The following NUDT9 variants were observed in gnomAD, a reference collection of about 807,000 sequenced individuals.
NUDT9 encodes nudix hydrolase 9, also known as ADP-ribose pyrophosphatase.
Under a neutral mutation model 41.0 loss-of-function variants are expected in NUDT9, and 31 were observed. The observed-to-expected ratio is 0.76, with a 90% CI of 0.57 to 1.02. The LOEUF (loss-of-function observed/expected upper bound fraction) is 1.02, where lower values mean the gene tolerates loss of function less well. Among genes scored for constraint, NUDT9 ranks in the 50% least tolerant of loss-of-function variants. The pLI, the probability that NUDT9 is intolerant of heterozygous loss-of-function variation, is 0.00. For synonymous variants in NUDT9, 146 were observed against 147.6 expected (o/e 0.99, Z 0.08); for missense variants, 380 against 431.4 (o/e 0.88, Z 1.06).
rs933395394 is a variant in NUDT9 at position 87,422,788 on chromosome 4, A to G, written c.-118A>G. ...TACTCCCGTTCGGGAACCCAACGGC[A>G]GACAGGTCCTAGTGCCCATCAGATA... On this transcript the variant is annotated 5_prime_UTR_variant, in exon 1 of 8. Coordinates refer to ENST00000302174, the MANE Select transcript of NUDT9 (RefSeq NM_024047.5). 1.9e-5 allele frequency: 13 copies of G among 676,588 alleles called. No homozygotes were observed. In the Admixed American group the frequency reaches 3.4e-4, roughly 18 times the overall value. 41.9% of individuals were successfully genotyped at this position (676,588 alleles called of 1,614,324 possible).
chr4:87,443,793 G>A (rs1578074856), intron 4 of NUDT9, among the ~76,000 whole-genome samples: 1 of 152,198 alleles, frequency 6.6e-6, no homozygotes, highest in Middle Eastern at 3.2e-3. Context: ...GAATATTCTT[G>A]TAGAAGAGTA....
intron 4 of NUDT9, among the ~76,000 whole-genome samples, chr4:87,446,599 T>G (rs1168384824): frequency 6.6e-6 from 1 of 152,162 alleles, no homozygotes; most frequent in East Asian, 1.9e-4. Flanking sequence ...GTATAGTAAT[T>G]AAGAACACAG....
chr4:87,433,161 T>A (rs1157104831), intron 1 of NUDT9, among the ~76,000 whole-genome samples: 2 of 152,136 alleles, frequency 1.3e-5, no homozygotes, highest in African/African-American at 4.8e-5. Flanking sequence ...ATAGATACTT[T>A]AAAAAAATTC....
intron 5 of NUDT9, among the ~76,000 whole-genome samples, chr4:87,450,305 A>G (rs1394380544): frequency 6.6e-6 from 1 of 152,014 alleles, no homozygotes; most frequent in East Asian, 1.9e-4. Context: ...TTTTCTGTGT[A>G]GAATAAAAAT....
At chr4:87,436,170 ATTT>A (rs1010791500) in intron 2 of NUDT9, among the ~76,000 whole-genome samples, 1 of 151,858 alleles carries the variant, frequency 6.6e-6, no homozygotes, top group African/African-American at 2.4e-5. Flanking sequence ...ATTTTATTTT[ATTT>A]TTAAGTAGAG....
intron 4 of NUDT9, among the ~76,000 whole-genome samples, chr4:87,446,468 C>T (rs888574198): frequency 1.3e-5 from 2 of 151,982 alleles, no homozygotes; most frequent in Admixed American, 6.6e-5. Context: ...CTCTTGACTT[C>T]GTGATCTGCC....
intron 7 of NUDT9, among the ~76,000 whole-genome samples, chr4:87,454,845 A>G (rs1722917367): frequency 6.6e-6 from 1 of 152,202 alleles, no homozygotes; most frequent in African/African-American, 2.4e-5. Flanking sequence ...TACTATTTCA[A>G]ATATTTTTAT....
In NUDT9 at chr4:87,454,065, G is replaced by A. The variant is rs753890272; in HGVS notation, c.790-306G>A. On this transcript the variant is annotated intron_variant, in intron 6 of 7. Transcript: ENST00000302174. ...TTTAGTAGAGACAGGGTTTCACCTT[G>A]TTGGTCAGGCTGGTCTCGAACTCCT... 5.9e-4 allele frequency among the ~76,000 whole-genome samples: 90 copies of A among 151,764 alleles called. 1 individual carries two copies. The highest frequency in any genetic ancestry group is 1.6e-3 in the Admixed American group (24 of 15,252).
At chr4:87,442,664 T>G (rs1165380706) in intron 4 of NUDT9, among the ~76,000 whole-genome samples, 6 of 152,252 alleles carry the variant, frequency 3.9e-5, no homozygotes, top group Admixed American at 3.9e-4. Context: ...CTCCTTATTC[T>G]GTGCACTTTT....
At chr4:87,427,721 A>G (rs184499744) in intron 1 of NUDT9, among the ~76,000 whole-genome samples, 1 of 152,334 alleles carries the variant, frequency 6.6e-6, no homozygotes, top group Admixed American at 6.5e-5. Context: ...GGAGTGGAAC[A>G]GCATTAGTGT....
At chr4:87,430,662 G>GACTTGCTTTTGTCTAATAATTA (rs1721647372) in intron 1 of NUDT9, among the ~76,000 whole-genome samples, 1 of 152,056 alleles carries the variant, frequency 6.6e-6, no homozygotes, top group Non-Finnish European at 1.5e-5. Flanking sequence ...TTGTGGTTTT[G>GACTTGCTTTTGTCTAATAATTA]ACTTGCTTTT....
intron 3 of NUDT9, among the ~76,000 whole-genome samples, chr4:87,439,304 C>T (rs1174964010): frequency 6.6e-6 from 1 of 152,078 alleles, no homozygotes; most frequent in African/African-American, 2.4e-5. Flanking sequence ...AAAGGTACAT[C>T]TTACATGGCA....
intron 4 of NUDT9, among the ~76,000 whole-genome samples, chr4:87,443,300 GTATA>G (rs1220772302): frequency 6.6e-6 from 1 of 152,150 alleles, no homozygotes; most frequent in African/African-American, 2.4e-5. Flanking sequence ...GCATGCAGAT[GTATA>G]TATAATTGAT....
At chr4:87,454,214 C>T (rs1722887389) in intron 6 of NUDT9, among the ~76,000 whole-genome samples, 157 bp from the exon 7 acceptor site, 1 of 152,124 alleles carries the variant, frequency 6.6e-6, no homozygotes, top group Non-Finnish European at 1.5e-5. Flanking sequence ...GTCAAATTTA[C>T]CATCTAAACT....
rs1206734643 is a variant in NUDT9 at position 87,449,157 on chromosome 4, C to T, written c.546C>T (p.Ser182=). Residue 182 remains serine, a synonymous_variant, in exon 5 of 8, where the codon AGC becomes AGT. Coordinates refer to ENST00000302174, the MANE Select transcript of NUDT9 (RefSeq NM_024047.5). ...DPIITRWKRD[S]SGNKIMHPVS... Reference sequence around the variant, plus strand: ...CTATTCACAGATGGAAAAGGGATAGCAGTGGAAATAAAATCATGCATCCTG... The same window carrying T: ...CTATTCACAGATGGAAAAGGGATAGTAGTGGAAATAAAATCATGCATCCTG... The T allele has an allele frequency of 1.3e-6, 2 of 1,590,148 alleles. No homozygotes were observed. The highest frequency in any genetic ancestry group is 3.3e-5 in the Admixed American group (2 of 59,940).
intron 1 of NUDT9, among the ~76,000 whole-genome samples, chr4:87,430,279 C>T (rs1721625615): frequency 6.6e-6 from 1 of 152,144 alleles, no homozygotes; most frequent in African/African-American, 2.4e-5. Context: ...GGAATGCAGC[C>T]CTGCTGATAA....
intron 4 of NUDT9, among the ~76,000 whole-genome samples, chr4:87,446,291 C>G (rs1722453845): frequency 6.8e-6 from 1 of 147,824 alleles, no homozygotes; most frequent in East Asian, 2.0e-4. Context: ...CTCTGTCGCC[C>G]AGGCTGGAGT....
intron 1 of NUDT9, among the ~76,000 whole-genome samples, chr4:87,432,184 T>C (rs913124658): frequency 6.6e-6 from 1 of 152,234 alleles, no homozygotes; most frequent in Non-Finnish European, 1.5e-5. Context: ...TTTCAGGTTT[T>C]GGAATATTCA....
At chr4:87,428,522 C>T (rs1560786978) in intron 1 of NUDT9, among the ~76,000 whole-genome samples, 1 of 93,542 alleles carries the variant, frequency 1.1e-5, no homozygotes, top group Non-Finnish European at 2.1e-5. Context: ...TGCGGTACAT[C>T]CAGACAATGG....
Sources: allele counts gnomAD v4.1 joint callset (sites outside exome capture counted in the v4.1 genomes callset), GRCh38; gene constraint gnomAD v4.1.1; transcripts MANE v1.5; gene names NCBI Gene and HGNC (gene_info 2026-07-23, HGNC 2026-07-21).